HDAC1: variants seen among roughly 807,000 people sequenced by gnomAD.
HDAC1 encodes histone deacetylase 1.
HDAC1 carries 18 observed loss-of-function variants against 65.5 expected under a neutral mutation model. The observed-to-expected ratio is 0.27, with a 90% CI of 0.19 to 0.41. HDAC1 has a LOEUF of 0.41. HDAC1 is among the 10% of genes least tolerant of loss of function. The pLI is 1.00. For synonymous variants in HDAC1, 211 were observed against 227.9 expected (o/e 0.93, Z 0.67); for missense variants, 373 against 625.2 (o/e 0.60, Z 4.30).
chr1:32,305,553 T>A (rs1197382517), intron 2 of HDAC1, among the ~76,000 whole-genome samples: 1 of 152,118 alleles, frequency 6.6e-6, no homozygotes, highest in Non-Finnish European at 1.5e-5. Flanking sequence ...TTAATTTATA[T>A]TCCCCTACTG....
chr1:32,294,608 G>A (rs994751130), intron 1 of HDAC1, among the ~76,000 whole-genome samples: 2 of 146,752 alleles, frequency 1.4e-5, no homozygotes, highest in South Asian at 2.2e-4. Flanking sequence ...TCCACCTCCC[G>A]GGTCCATGCC....
chr1:32,327,193 G>A lies in HDAC1; in HGVS notation c.494+116G>A. The A allele has an allele frequency of 1.9e-6, 2 of 1,029,232 alleles. No homozygotes were observed. The highest frequency in any genetic ancestry group is 2.9e-6 in the Non-Finnish European group (2 of 688,606). 63.8% of individuals were successfully genotyped at this position (1,029,232 alleles called of 1,614,324 possible). ...TTCCTACCGATGTGCTGGCTAGGAT[G>A]TGCTCGGTGAGTGTCTCTGGCCATC... On this transcript the variant is annotated intron_variant, in intron 5 of 13. Transcript: ENST00000373548. The surrounding 1 kb of genome is among the most constrained non-coding windows in gnomAD (Gnocchi z 6.0).
Position 32,332,708 on chromosome 1 carries a change from C to T in HDAC1, c.1380C>T (p.Thr460=), listed in dbSNP as rs374704263. 194 of 1,554,690 alleles carry T rather than the reference C, an allele frequency of 1.2e-4. No homozygotes were observed. Among genetic ancestry groups the T allele is most frequent in the Non-Finnish European group, 1.6e-4 (181 of 1,148,524 alleles). ...EKDPEEKKEV[T]EEEKTKEEKP... ...TGTACTCTTGTGTTCTAGAAGTCACCGAAGAGGAGAAAACCAAGGAGGAGA... is the reference window on the plus strand; with the variant it reads ...TGTACTCTTGTGTTCTAGAAGTCACTGAAGAGGAGAAAACCAAGGAGGAGA... The change falls in exon 13 of 14, where the codon ACC becomes ACT. Residue 460 remains threonine (T), a synonymous_variant. Coordinates refer to ENST00000373548, the MANE Select transcript of HDAC1 (RefSeq NM_004964.3).
chr1:32,327,044 A>T lies in HDAC1; in HGVS notation c.461A>T (p.Asn154Ile). 1 of 1,614,156 alleles carries T rather than the reference A, an allele frequency of 6.2e-7. No individual in the cohort carries two copies. The highest frequency in any genetic ancestry group is 8.5e-7 in the Non-Finnish European group (1 of 1,180,016). The change falls in exon 5 of 14, where the codon AAT becomes ATT. Residue 154 changes from asparagine to isoleucine, a missense_variant. Asn to Ile is a moderately radical substitution (Grantham distance 149). Around this residue, in one of 4 missense-constraint regions of HDAC1, gnomAD observed 62 missense variants for 180.0 expected, o/e 0.34. Transcript: ENST00000373548. The surrounding 1 kb of genome is among the most constrained non-coding windows in gnomAD (Gnocchi z 6.0). ...GAGGCATCTGGCTTCTGTTACGTCA[A>T]TGATATCGTCTTGGCCATCCTGGAA... ...KSEASGFCYV[N>I]DIVLAILELL...
intron 2 of HDAC1, among the ~76,000 whole-genome samples, chr1:32,311,569 T>A (rs1025146708): frequency 2.0e-5 from 3 of 151,654 alleles, no homozygotes; most frequent in Non-Finnish European, 4.4e-5. Context: ...AAAAATAGGG[T>A]AGTAGATGCA....
chr1:32,333,019 T>C lies in HDAC1; in HGVS notation c.1424T>C (p.Val475Ala). 1 of 1,613,708 alleles carries C rather than the reference T, an allele frequency of 6.2e-7. No homozygotes were observed. The highest frequency in any genetic ancestry group is 8.5e-7 in the Non-Finnish European group (1 of 1,179,806). The change falls in exon 14 of 14, where the codon GTC becomes GCC. Residue 475 changes from valine to alanine, a missense_variant and splice_region_variant. Transcript: ENST00000373548. ...GCCAGTCTCTGCTCTCTCCACAGGG[T>C]CAAGGAGGAGGTCAAGTTGGCCTGA... is the stretch of plus-strand genomic sequence containing the variant. ...TKEEKPEAKG[V>A]KEEVKLA
chr1:32,325,573 T>A (rs1347034863), intron 4 of HDAC1, among the ~76,000 whole-genome samples: 1 of 152,234 alleles, frequency 6.6e-6, no homozygotes, highest in Non-Finnish European at 1.5e-5. Flanking sequence ...ATATATGGTT[T>A]TATGCCTGCA....
intron 6 of HDAC1, among the ~76,000 whole-genome samples, chr1:32,328,659 A>G (rs1641251355): frequency 6.6e-6 from 1 of 152,108 alleles, no homozygotes; most frequent in South Asian, 2.1e-4. Context: ...TTCCCTCCAC[A>G]ACACCCTAGA....
chr1:32,315,834 G>T (rs1319759661), intron 2 of HDAC1, among the ~76,000 whole-genome samples: 1 of 151,072 alleles, frequency 6.6e-6, no homozygotes. Context: ...GCGTCGTGGT[G>T]GGCGCCTGTA....
intron 1 of HDAC1, among the ~76,000 whole-genome samples, chr1:32,293,817 G>T (rs1232727890): frequency 2.0e-5 from 3 of 151,136 alleles, no homozygotes; most frequent in Admixed American, 2.0e-4. Context: ...CAGGAGAGTC[G>T]CTTGAACCCA....
At position 32,330,928 on chromosome 1, in the gene HDAC1, G is replaced by T. The variant is rs922639096; in HGVS notation, c.979+20G>T. On this transcript the variant is annotated intron_variant, in intron 9 of 13. Coordinates refer to ENST00000373548, the MANE Select transcript of HDAC1 (RefSeq NM_004964.3). This position sits in a 1 kb window ranked among gnomAD's most constrained non-coding sequence, Gnocchi z 4.2. ...CTAATGGTAATAGCTGCAGGGCCAG[G>T]TTCGGCTGGGCTGGGTGGGAGCTGG... 6.2e-7 allele frequency: 1 copy of T among 1,613,662 alleles called. No homozygotes were observed. Among genetic ancestry groups the T allele is most frequent in the African/African-American group, 1.3e-5 (1 of 74,908 alleles).
At chr1:32,308,512 T>G in intron 2 of HDAC1, among the ~76,000 whole-genome samples, 1 of 152,146 alleles carries the variant, frequency 6.6e-6, no homozygotes. Context: ...GTTTTGTTTT[T>G]TTAATTTTTA....
At chr1:32,296,276 G>A (rs530613482) in intron 1 of HDAC1, among the ~76,000 whole-genome samples, 1 of 152,250 alleles carries the variant, frequency 6.6e-6, no homozygotes, top group East Asian at 1.9e-4. Flanking sequence ...AAGAAGGGAG[G>A]GATTGGGCAA....
At chr1:32,307,452 G>C (rs1640926799) in intron 2 of HDAC1, among the ~76,000 whole-genome samples, 1 of 152,078 alleles carries the variant, frequency 6.6e-6, no homozygotes, top group South Asian at 2.1e-4. Flanking sequence ...AGGGCTTCTT[G>C]AATACAAACA....
At chr1:32,292,498 G>C in intron 1 of HDAC1, 6 of 931,766 alleles carry the variant, frequency 6.4e-6, no homozygotes, top group Non-Finnish European at 7.7e-6. Flanking sequence ...GGGACTCCTA[G>C]AGGGGAGGGT....
chr1:32,317,213 A>C (rs1641076921), intron 3 of HDAC1, among the ~76,000 whole-genome samples: 1 of 152,168 alleles, frequency 6.6e-6, no homozygotes, highest in Admixed American at 6.6e-5. Context: ...TTAATTGAGA[A>C]TTTAGAGGCC....
chr1:32,301,135 A>C (rs1225711907), intron 1 of HDAC1, among the ~76,000 whole-genome samples: 1 of 147,442 alleles, frequency 6.8e-6, no homozygotes, highest in African/African-American at 2.4e-5. Context: ...TCCTTGGATG[A>C]AGCTGGAAAG....
rs571782325 is a variant in HDAC1, at chr1:32,326,970, G to A, written c.387G>A (p.Thr129=). The change falls in exon 5 of 14, where the codon ACG becomes ACA. Residue 129 remains threonine (T), a synonymous_variant. Coordinates refer to ENST00000373548, the MANE Select transcript of HDAC1 (RefSeq NM_004964.3). ...ASAVKLNKQQ[T]DIAVNWAGGL... ...CTGTGAAACTTAATAAGCAGCAGAC[G>A]GACATCGCTGTGAATTGGGCTGGGG... The A allele has an allele frequency of 1.2e-5, 20 of 1,613,970 alleles. No homozygotes were observed. Among genetic ancestry groups the A allele is most frequent in the South Asian group, 1.2e-4 (11 of 91,076 alleles).
rs1233930014 is a variant in HDAC1 at position 32,331,281 on chromosome 1, C to T, written c.980-193C>T. 6.6e-6 allele frequency among the ~76,000 whole-genome samples: 1 copy of T among 152,166 alleles called. No individual in the cohort carries two copies. The highest frequency in any genetic ancestry group is 6.5e-5 in the Admixed American group (1 of 15,268). ...CCTAGCGACATATACACCACTGGTA[C>T]AGACATAGGAGAGTGATGTTAAAAA... is the stretch of plus-strand genomic sequence containing the variant. On this transcript the variant is annotated intron_variant, in intron 9 of 13. Transcript: ENST00000373548. The surrounding 1 kb of genome is among the most constrained non-coding windows in gnomAD (Gnocchi z 4.2).
Sources: gnomAD v4.1 joint callset for allele counts (sites outside exome capture counted in the v4.1 genomes callset) on GRCh38, gnomAD v4.1.1 for gene constraint, gnomAD v4.1.1 regional missense constraint, Gnocchi (gnomAD v3.1) non-coding constraint, MANE v1.5 for transcripts, NCBI Gene and HGNC (gene_info 2026-07-23, HGNC 2026-07-21) for gene names.